The following ABL1 variants were observed in gnomAD, a reference collection of about 807,000 sequenced individuals.
ABL1 encodes ABL proto-oncogene 1, non-receptor tyrosine kinase.
A neutral mutation model predicts 94.7 loss-of-function variants in ABL1; 11 were observed. The observed-to-expected ratio is 0.12, with a 90% CI of 0.07 to 0.19. The LOEUF (loss-of-function observed/expected upper bound fraction) is 0.19. Ranked by LOEUF, ABL1 falls within the 10% of genes least tolerant of loss-of-function variation. The probability of loss-of-function intolerance (pLI) is 1.00; values close to 1 mark genes in which losing one functional copy is unlikely to be tolerated. For synonymous variants in ABL1, 656 were observed against 622.4 expected (o/e 1.05, Z -0.80); for missense variants, 1,082 against 1,489.4 (o/e 0.73, Z 4.50).
intron 1 of ABL1, among the ~76,000 whole-genome samples, chr9:130,841,401 C>T (rs1211640220): frequency 6.6e-6 from 1 of 152,000 alleles, no homozygotes; most frequent in East Asian, 1.9e-4. Context: ...GCCACTGCAC[C>T]GGGCCAAAAA....
intron 1 of ABL1, among the ~76,000 whole-genome samples, chr9:130,806,451 G>A (rs566766342): frequency 1.3e-4 from 20 of 152,256 alleles, no homozygotes; most frequent in Non-Finnish European, 2.4e-4. Context: ...TTGCATTTAA[G>A]CTTGTTAGTA....
chr9:130,838,900 T>TTTG (rs766122228), intron 1 of ABL1, among the ~76,000 whole-genome samples: 17 of 152,086 alleles, frequency 1.1e-4, no homozygotes, highest in Non-Finnish European at 1.9e-4. Flanking sequence ...TCTTGAACTT[T>TTTG]TTGTTGTTGT....
At chr9:130,800,568 C>T (rs1297678747) in intron 1 of ABL1, among the ~76,000 whole-genome samples, 2 of 152,166 alleles carry the variant, frequency 1.3e-5, no homozygotes, top group African/African-American at 4.8e-5. Context: ...CCCAGACAAA[C>T]ACTTATCCAC....
chr9:130,776,891 C>T (rs895862679), intron 1 of ABL1, among the ~76,000 whole-genome samples: 1 of 152,078 alleles, frequency 6.6e-6, no homozygotes, highest in Non-Finnish European at 1.5e-5. Context: ...CATGCCTGGC[C>T]TCTTTACTCT....
chr9:130,802,839 G>A (rs543639976), intron 1 of ABL1, among the ~76,000 whole-genome samples: 1 of 152,054 alleles, frequency 6.6e-6, no homozygotes, highest in Non-Finnish European at 1.5e-5. Context: ...TCTAATACTT[G>A]TTTGGTTTTA....
At chr9:130,771,752 C>CTTTCTTTCTTTCTTTCTTTCTTTCT (rs530081755) in intron 1 of ABL1, among the ~76,000 whole-genome samples, 4 of 106,904 alleles carry the variant, frequency 3.7e-5, no homozygotes, top group African/African-American at 1.4e-4. Flanking sequence ...TTCTTTCTTT[C>CTTTCTTTCTTTCTTTCTTTCTTTCT]TTTTTTTTTT....
At chr9:130,739,237 A>G (rs558618363) in intron 1 of ABL1, among the ~76,000 whole-genome samples, 3 of 152,130 alleles carry the variant, frequency 2.0e-5, no homozygotes, top group Non-Finnish European at 4.4e-5. Flanking sequence ...GTTGTTTGTT[A>G]GTGGTAAGCT....
rs150449529 is a variant in ABL1 at position 130,791,468 on chromosome 9, A to G, written c.137-62596A>G. 7.8e-4 allele frequency among the ~76,000 whole-genome samples: 119 copies of G among 152,226 alleles called. 1 individual carries two copies. Among genetic ancestry groups the G allele is most frequent in the African/African-American group, 2.8e-3 (117 of 41,540 alleles). ...GTGTGTGAGGGTGTTGCCAGAGGAA[A>G]CTGACATTTGAGCTGGGGGACTAGG... On this transcript the variant is annotated intron_variant, in intron 1 of 10. Coordinates refer to the ABL1 transcript ENST00000372348.
At chr9:130,834,712 G>C (rs977265979), upstream of ABL1, among the ~76,000 whole-genome samples, 2 of 152,188 alleles carry the variant, frequency 1.3e-5, no homozygotes, top group African/African-American at 4.8e-5. Context: ...TGGATGTGCG[G>C]CCTCACCGGG....
intron 1 of ABL1, among the ~76,000 whole-genome samples, chr9:130,754,230 C>T (rs1832011257): frequency 1.5e-5 from 2 of 132,572 alleles, no homozygotes; most frequent in Admixed American, 1.6e-4. Context: ...AAAGAGAGAC[C>T]AGGCGTGGTG....
intron 1 of ABL1, among the ~76,000 whole-genome samples, chr9:130,847,758 GCCT>G (rs1230221734): frequency 6.6e-6 from 1 of 152,138 alleles, no homozygotes. Context: ...GCCTTGGATC[GCCT>G]GACGTCCTGT....
chr9:130,732,349 G>A (rs1831677319), intron 1 of ABL1, among the ~76,000 whole-genome samples: 1 of 152,026 alleles, frequency 6.6e-6, no homozygotes, highest in African/African-American at 2.4e-5. Flanking sequence ...TAAACAGTGT[G>A]GAATGGGTCC....
chr9:130,812,686 T>C (rs1830224992), intron 1 of ABL1, among the ~76,000 whole-genome samples: 1 of 152,104 alleles, frequency 6.6e-6, no homozygotes. Flanking sequence ...TACAAACTTT[T>C]CAAGGAGAAA....
At chr9:130,729,027 TGTAA>T (rs1157240874) in intron 1 of ABL1, among the ~76,000 whole-genome samples, 1 of 152,244 alleles carries the variant, frequency 6.6e-6, no homozygotes, top group Non-Finnish European at 1.5e-5. Flanking sequence ...CTTAAATTAC[TGTAA>T]GTGACTGGTC....
At chr9:130,799,873 CTTT>C (rs11355108) in intron 1 of ABL1, among the ~76,000 whole-genome samples, 1 of 147,452 alleles carries the variant, frequency 6.8e-6, no homozygotes, top group African/African-American at 2.5e-5. Context: ...GATATTTATA[CTTT>C]TTTTTTTTTC....
chr9:130,841,477 A>T (rs1830670283), intron 1 of ABL1, among the ~76,000 whole-genome samples: 2 of 151,982 alleles, frequency 1.3e-5, no homozygotes, highest in Non-Finnish European at 2.9e-5. Context: ...CCTGGGCCAT[A>T]TGCAGCCCGT....
At chr9:130,751,810 G>A (rs546117761) in intron 1 of ABL1, among the ~76,000 whole-genome samples, 1 of 152,332 alleles carries the variant, frequency 6.6e-6, no homozygotes, top group Non-Finnish European at 1.5e-5. Flanking sequence ...AGCAACGGCA[G>A]AAGCAACAGA....
chr9:130,887,178 C>T lies in ABL1; in HGVS notation c.*1495C>T, dbSNP rs985702232. 4.3e-6 allele frequency: 1 copy of T among 233,244 alleles called. No homozygotes were observed. The highest frequency in any genetic ancestry group is 8.5e-6 in the Non-Finnish European group (1 of 118,012). 14.4% of individuals were successfully genotyped at this position (233,244 alleles called of 1,614,324 possible). ...AAGCCACCTTCCCACCCCTTCATAC[C>T]GCCTCGTGCCAGCAGCCTCGCACAG... is the stretch of plus-strand genomic sequence containing the variant. On this transcript the variant is annotated 3_prime_UTR_variant, in exon 11 of 11. Coordinates refer to ENST00000318560, the MANE Select transcript of ABL1 (RefSeq NM_005157.6).
At chr9:130,867,302 G>T (rs1374534266) in intron 4 of ABL1, among the ~76,000 whole-genome samples, 3 of 152,174 alleles carry the variant, frequency 2.0e-5, no homozygotes, top group African/African-American at 7.2e-5. Context: ...ATGTGTCTTG[G>T]CAGTTGTTCC....
Sources: allele counts gnomAD v4.1 joint callset (sites outside exome capture counted in the v4.1 genomes callset), GRCh38; gene constraint gnomAD v4.1.1; transcripts MANE v1.5; gene names NCBI Gene and HGNC (gene_info 2026-07-23, HGNC 2026-07-21).